Variants in UBN2 observed in about 807,000 individuals in gnomAD.
The protein encoded by UBN2 is ubinuclein-2.
UBN2 carries 35 observed loss-of-function variants against 120.2 expected under a neutral mutation model. The ratio of observed to expected loss-of-function variants is 0.29; its 90% CI spans 0.22 to 0.39. The LOEUF (loss-of-function observed/expected upper bound fraction) is 0.39, where lower values mean the gene tolerates loss of function less well. Among genes scored for constraint, UBN2 ranks in the 10% least tolerant of loss-of-function variants. The pLI is 1.00. For synonymous variants in UBN2, 661 were observed against 648.7 expected (o/e 1.02, Z -0.29); for missense variants, 1,693 against 1,663.2 (o/e 1.02, Z -0.31).
chr7:139,293,633 G>T, intron 16 of UBN2, 170 bp downstream of exon 16: 1 of 656,918 alleles, frequency 1.5e-6, no homozygotes, highest in Non-Finnish European at 2.6e-6. Flanking sequence ...ATTGGACACT[G>T]GGGTTTTATA....
intron 2 of UBN2, among the ~76,000 whole-genome samples, chr7:139,237,941 T>C (rs78159076): frequency 0.02 from 3,039 of 152,348 alleles, 87 homozygotes; most frequent in African/African-American, 0.062. Flanking sequence ...AATATTCATG[T>C]ACATTTTATA....
chr7:139,259,105 C>T (rs994006632), intron 4 of UBN2, among the ~76,000 whole-genome samples, 162 bp from the exon 5 acceptor site: 11 of 152,130 alleles, frequency 7.2e-5, no homozygotes, highest in African/African-American at 2.7e-4. Flanking sequence ...GAATCGAAAC[C>T]GGAGGTGAGA....
chr7:139,243,178 T>G (rs1226690943), intron 2 of UBN2, among the ~76,000 whole-genome samples: 1 of 152,194 alleles, frequency 6.6e-6, no homozygotes, highest in Non-Finnish European at 1.5e-5. Context: ...GATTGTCAGG[T>G]TAAGCAAGTA....
intron 17 of UBN2, among the ~76,000 whole-genome samples, chr7:139,295,756 C>CA (rs1008976969): frequency 6.6e-6 from 1 of 152,124 alleles, no homozygotes; most frequent in African/African-American, 2.4e-5. Context: ...ACTATCTCTA[C>CA]AAAAAATACA....
intron 6 of UBN2, among the ~76,000 whole-genome samples, chr7:139,265,518 T>C (rs183835391): frequency 2.6e-5 from 4 of 152,250 alleles, no homozygotes; most frequent in East Asian, 1.9e-4. Context: ...ACAAAAGATA[T>C]CCATATTCTA....
chr7:139,270,090 A>G (rs1158040962), intron 8 of UBN2, among the ~76,000 whole-genome samples: 1 of 152,104 alleles, frequency 6.6e-6, no homozygotes, highest in African/African-American at 2.4e-5. Flanking sequence ...AAGATATCTT[A>G]TCCTTACTTT....
chr7:139,276,763 T>TG (rs1206504294), intron 12 of UBN2: 1 of 152,494 alleles, frequency 6.6e-6, no homozygotes, highest in Non-Finnish European at 1.5e-5. Flanking sequence ...CCTGCAAGGG[T>TG]GGCATTAACG....
At chr7:139,321,571 G>T in the UBN2 span, among the ~76,000 whole-genome samples, 1 of 152,206 alleles carries the variant, frequency 6.6e-6, no homozygotes, top group Non-Finnish European at 1.5e-5. Context: ...ACACCGGAGG[G>T]ATGGGATAAC....
At chr7:139,258,742 C>A in intron 4 of UBN2, 117 bp downstream of exon 4, 1 of 855,504 alleles carries the variant, frequency 1.2e-6, no homozygotes, top group Non-Finnish European at 1.6e-6. Flanking sequence ...ACCATTGTGT[C>A]ATGAATATAT....
intron 1 of UBN2, among the ~76,000 whole-genome samples, chr7:139,234,956 T>C (rs556092786): frequency 1.2e-4 from 19 of 152,280 alleles, no homozygotes; most frequent in Admixed American, 2.6e-4. Context: ...TCAGATTTTT[T>C]TTCACCTGAA....
chr7:139,259,322 A>G lies in UBN2; in HGVS notation c.857A>G (p.Glu286Gly), dbSNP rs1563210471. 1.2e-6 allele frequency: 2 copies of G among 1,614,034 alleles called. No homozygotes were observed. Among genetic ancestry groups the G allele is most frequent in the Non-Finnish European group, 8.5e-7 (1 of 1,179,940 alleles). The change falls in exon 5 of 18, where the codon GAA (glutamate) becomes GGA (glycine). Residue 286 changes from glutamate to glycine, a missense_variant. By Grantham distance (98) the Glu-to-Gly change is moderately conservative. Transcript: ENST00000473989. ...IEMKKRKRKE[E>G]GEKEKKPRKK... ...ATGAAGAAGCGGAAGCGGAAAGAGG[A>G]AGGGGAAAAGGAGAAGAAGCCAAGG...
At chr7:139,245,398 A>G (rs1796444125) in intron 2 of UBN2, among the ~76,000 whole-genome samples, 2 of 152,156 alleles carry the variant, frequency 1.3e-5, no homozygotes, top group Non-Finnish European at 2.9e-5. Context: ...ATGATCAAAT[A>G]AAGCTTTAAG....
chr7:139,293,170 G>C (rs1798010380), intron 15 of UBN2, 62 bp from the exon 16 acceptor site: 1 of 1,373,438 alleles, frequency 7.3e-7, no homozygotes, highest in African/African-American at 1.4e-5. Context: ...GGATATTATA[G>C]AAAATAAATC....
intron 8 of UBN2, 58 bp from the exon 9 acceptor site, chr7:139,272,264 G>A: frequency 7.7e-7 from 1 of 1,296,722 alleles, no homozygotes; most frequent in Non-Finnish European, 1.1e-6. Context: ...TTGAGGACCT[G>A]CTTACAAGAT....
intron 15 of UBN2, among the ~76,000 whole-genome samples, chr7:139,291,830 G>A (rs1797966227): frequency 1.3e-5 from 2 of 151,372 alleles, no homozygotes; most frequent in South Asian, 4.2e-4. Flanking sequence ...CTCTAGCCTG[G>A]GTAACAGAGT....
Position 139,301,697 on chromosome 7 carries a change from G to T in UBN2, c.*3861G>T, listed in dbSNP as rs1418235129. The T allele has an allele frequency of 4.6e-5, 7 of 150,964 alleles. No homozygotes were observed. Among genetic ancestry groups the T allele is most frequent in the African/African-American group, 1.7e-4 (7 of 41,074 alleles). The allele number at this position is 150,964 out of a possible 1,614,324, so 9.4% of individuals were successfully genotyped here. On this transcript the variant is annotated 3_prime_UTR_variant, in exon 18 of 18. Transcript: ENST00000473989. Reference sequence around the variant, plus strand: ...GAATTTGTTTGCTTTTTTTTTGTTTGTTTTTTGTTTTGTTTCTGTTTTTGT... The same window carrying T: ...GAATTTGTTTGCTTTTTTTTTGTTTTTTTTTTGTTTTGTTTCTGTTTTTGT...
At chr7:139,279,173 A>AC in intron 12 of UBN2, 145 bp from the exon 13 acceptor site, 1 of 648,520 alleles carries the variant, frequency 1.5e-6, no homozygotes, top group East Asian at 2.9e-5. Context: ...TACTTCGTAT[A>AC]AACTGAGCAC....
intron 1 of UBN2, 41 bp from the exon 2 acceptor site, chr7:139,236,964 A>G (rs1481179887): frequency 1.6e-6 from 2 of 1,275,778 alleles, no homozygotes; most frequent in Non-Finnish European, 2.3e-6. Context: ...TTGTAATACT[A>G]ATGGATACTT....
At chr7:139,245,218 G>A (rs1164087739) in intron 2 of UBN2, among the ~76,000 whole-genome samples, 1 of 150,982 alleles carries the variant, frequency 6.6e-6, no homozygotes. Flanking sequence ...GGGATTATAG[G>A]CATGAGCCAC....
Sources: gnomAD v4.1 joint callset for allele counts (sites outside exome capture counted in the v4.1 genomes callset) on GRCh38, gnomAD v4.1.1 for gene constraint, MANE v1.5 for transcripts, NCBI Gene and HGNC (gene_info 2026-07-23, HGNC 2026-07-21) for gene names.